SV2C: variants seen among roughly 807,000 people sequenced by gnomAD.
The protein encoded by SV2C is synaptic vesicle glycoprotein 2C, also known as solute carrier family 22 member B3.
SV2C carries 49 observed loss-of-function variants against 79.7 expected under a neutral mutation model. That is an observed-to-expected ratio of 0.61 (90% confidence interval 0.49 to 0.78). The LOEUF (loss-of-function observed/expected upper bound fraction) is 0.78. SV2C is among the 30% of genes least tolerant of loss of function. The pLI, the probability that SV2C is intolerant of heterozygous loss-of-function variation, is 0.00. For missense variants in SV2C, 833 were observed against 912.9 expected (o/e 0.91, Z 1.13); for synonymous variants, 334 against 333.2 (o/e 1.00, Z -0.03).
chr5:75,963,904 T>G, the SV2C span, among the ~76,000 whole-genome samples: 1 of 152,162 alleles, frequency 6.6e-6, no homozygotes, highest in Non-Finnish European at 1.5e-5. Context: ...TATGGCTTCA[T>G]GTTCCGGTTC....
chr5:75,928,142 G>T, the SV2C span, among the ~76,000 whole-genome samples: 1 of 152,270 alleles, frequency 6.6e-6, no homozygotes, highest in Admixed American at 6.5e-5. Context: ...GTATAATTCA[G>T]TGGCATTAAT....
At chr5:75,903,686 A>G in the SV2C span, among the ~76,000 whole-genome samples, 12 of 152,316 alleles carry the variant, frequency 7.9e-5, no homozygotes, top group Non-Finnish European at 1.5e-4. Flanking sequence ...CACAGCTCAG[A>G]TTATGGTAAA....
rs1158034395 is a variant in SV2C, at chr5:76,121,515, G to A, written c.-101-10135G>A. The stretch of plus-strand genomic sequence containing the variant: ...TTATGGTTTCAGGTCTAACGTTTAA[G>A]TCTTTAATCCATCTTGAATTAATTT... On this transcript the variant is annotated intron_variant, in intron 1 of 12. Transcript: ENST00000502798. Among the ~76,000 whole-genome samples the A allele has an allele frequency of 3.0e-3, 453 of 151,582 alleles. 3 individuals are homozygous for A. Among genetic ancestry groups the A allele is most frequent in the African/African-American group, 8.5e-3 (349 of 41,126 alleles).
chr5:76,071,772 A>C, the SV2C span, among the ~76,000 whole-genome samples: 1 of 152,254 alleles, frequency 6.6e-6, no homozygotes, highest in Admixed American at 6.5e-5. Flanking sequence ...GCTGAGTGTT[A>C]GAACACTAAT....
chr5:75,896,079 A>G, the SV2C span, among the ~76,000 whole-genome samples: 1 of 151,896 alleles, frequency 6.6e-6, no homozygotes, highest in African/African-American at 2.4e-5. Context: ...TATTATTATT[A>G]TACTTTAAGT....
At chr5:75,956,548 A>G in the SV2C span, among the ~76,000 whole-genome samples, 113 of 152,140 alleles carry the variant, frequency 7.4e-4, no homozygotes, top group African/African-American at 2.4e-3. Flanking sequence ...AAGTATAAAA[A>G]TAATAATAAT....
At chr5:76,216,190 G>A (rs1312444137) in intron 4 of SV2C, among the ~76,000 whole-genome samples, 1 of 152,086 alleles carries the variant, frequency 6.6e-6, no homozygotes, top group Non-Finnish European at 1.5e-5. Context: ...GAATAATGAT[G>A]GTGCTTTCTC....
the SV2C span, among the ~76,000 whole-genome samples, chr5:76,015,158 T>C: frequency 6.6e-6 from 1 of 152,166 alleles, no homozygotes; most frequent in Admixed American, 6.6e-5. Context: ...CATTCTCTGT[T>C]TTACTCTGCC....
In SV2C at chr5:76,258,114, T is replaced by C. The variant is rs542299177; in HGVS notation, c.914-27048T>C. ...GGTGTGTGTGAAGTGTGTGGGGGTG[T>C]GGTGTATGGTATATGGGGTGTGTGT... On this transcript the variant is annotated intron_variant, in intron 4 of 12. Coordinates refer to ENST00000502798, the MANE Select transcript of SV2C (RefSeq NM_014979.4). Among the ~76,000 whole-genome samples, 2 of 143,082 alleles carry C rather than the reference T, an allele frequency of 1.4e-5. 1 individual carries two copies. Among genetic ancestry groups the C allele is most frequent in the South Asian group, 4.6e-4 (2 of 4,362 alleles). The allele number at this position is 143,082 out of a possible 152,430, so 93.9% of individuals were successfully genotyped here.
At chr5:76,020,227 G>A in the SV2C span, among the ~76,000 whole-genome samples, 1,099 of 152,266 alleles carry the variant, frequency 7.2e-3, 17 homozygotes, top group African/African-American at 0.025. Context: ...AAGAGCAGGG[G>A]CTGTGAAGAA....
the SV2C span, among the ~76,000 whole-genome samples, chr5:75,851,905 C>A: frequency 2.0e-5 from 3 of 152,178 alleles, no homozygotes; most frequent in Non-Finnish European, 2.9e-5. Context: ...CTTCATGATC[C>A]ATCCTCCTTG....
At chr5:75,903,369 T>TG in the SV2C span, among the ~76,000 whole-genome samples, 5 of 148,736 alleles carry the variant, frequency 3.4e-5, no homozygotes, top group South Asian at 2.1e-4. Context: ...AAAAAGGTGT[T>TG]TTTTTTTTTA....
At chr5:75,879,752 T>C in the SV2C span, among the ~76,000 whole-genome samples, 1 of 152,238 alleles carries the variant, frequency 6.6e-6, no homozygotes, top group Admixed American at 6.5e-5. Context: ...CACTAGGCAA[T>C]GCCCCAGTGG....
chr5:76,322,964 ACATAGG>A (rs1446590130), intron 12 of SV2C, among the ~76,000 whole-genome samples: 4 of 152,244 alleles, frequency 2.6e-5, no homozygotes, highest in Non-Finnish European at 5.9e-5. Flanking sequence ...ACCACTCAGG[ACATAGG>A]CATGGGCAAA....
chr5:76,310,419 G>A (rs548350191), intron 12 of SV2C, among the ~76,000 whole-genome samples: 1 of 152,346 alleles, frequency 6.6e-6, no homozygotes, highest in East Asian at 1.9e-4. Context: ...AGGTCCTGAG[G>A]TGGGAGTGTG....
rs577544424 is a variant in SV2C, at chr5:76,095,793, T to G, written c.-102+12281T>G. Among the ~76,000 whole-genome samples, 21 of 152,230 alleles carry G rather than the reference T, an allele frequency of 1.4e-4. No individual in the cohort carries two copies. The South Asian group carries it at 1.9e-3, about 14-fold the overall frequency. On this transcript the variant is annotated intron_variant, in intron 1 of 12. Transcript: ENST00000502798. Reference sequence around the variant, plus strand: ...GATAGAATGGTATATTTAGTTAATTTGAAAAATAACTAAGTGATAGAAGCC... The same window carrying G: ...GATAGAATGGTATATTTAGTTAATTGGAAAAATAACTAAGTGATAGAAGCC...
intron 12 of SV2C, among the ~76,000 whole-genome samples, chr5:76,344,365 C>T (rs957319281): frequency 6.6e-6 from 1 of 152,202 alleles, no homozygotes; most frequent in African/African-American, 2.4e-5. Context: ...AATTGAGCTC[C>T]ATCTACGAGA....
intron 1 of SV2C, among the ~76,000 whole-genome samples, chr5:76,104,326 C>A (rs910841047): frequency 1.3e-5 from 2 of 152,198 alleles, no homozygotes; most frequent in African/African-American, 4.8e-5. Context: ...CAGGGAACAA[C>A]TGAAGCTAAA....
the SV2C span, among the ~76,000 whole-genome samples, chr5:76,035,134 C>CT: frequency 4.0e-5 from 6 of 150,668 alleles, no homozygotes; most frequent in African/African-American, 1.2e-4. Flanking sequence ...TGATTCTTCT[C>CT]TTTTTTTTTC....
Sources: gnomAD v4.1 joint callset for allele counts (sites outside exome capture counted in the v4.1 genomes callset) on GRCh38, gnomAD v4.1.1 for gene constraint, MANE v1.5 for transcripts, NCBI Gene and HGNC (gene_info 2026-07-23, HGNC 2026-07-21) for gene names.